The following KALRN variants were observed in gnomAD, a reference collection of about 807,000 sequenced individuals.
The protein encoded by KALRN is kalirin.
KALRN carries 70 observed loss-of-function variants against 353.7 expected under a neutral mutation model. The observed-to-expected ratio is 0.20, with a 90% CI of 0.16 to 0.24. The LOEUF (loss-of-function observed/expected upper bound fraction) is 0.24, where lower values mean the gene tolerates loss of function less well. Among genes scored for constraint, KALRN ranks in the 10% least tolerant of loss-of-function variants. The pLI, the probability that KALRN is intolerant of heterozygous loss-of-function variation, is 1.00. For missense variants in KALRN, 2,791 were observed against 3,756.7 expected (o/e 0.74, Z 6.72); for synonymous variants, 1,391 against 1,434.8 (o/e 0.97, Z 0.69).
chr3:124,307,579 G>T (rs1004440773), intron 6 of KALRN, among the ~76,000 whole-genome samples: 1 of 117,578 alleles, frequency 8.5e-6, no homozygotes, highest in Non-Finnish European at 1.9e-5. Flanking sequence ...TTCTGATAAG[G>T]TGTATATGGT....
chr3:124,138,256 A>G (rs1341968704), intron 1 of KALRN, among the ~76,000 whole-genome samples: 2 of 152,064 alleles, frequency 1.3e-5, no homozygotes, highest in African/African-American at 2.4e-5. Flanking sequence ...TCACCATTAG[A>G]CATCAATTTA....
chr3:124,546,141 A>G (rs2069615259), intron 33 of KALRN, among the ~76,000 whole-genome samples: 1 of 151,812 alleles, frequency 6.6e-6, no homozygotes, highest in Non-Finnish European at 1.5e-5. Flanking sequence ...TTTGTTGACA[A>G]CTCTGTTACT....
At chr3:124,491,010 G>A in intron 30 of KALRN, 126 bp downstream of exon 30, 11 of 812,970 alleles carry the variant, frequency 1.4e-5, no homozygotes, top group Non-Finnish European at 2.1e-5. Context: ...CTGGACAAAT[G>A]AAAATGTCTC....
At chr3:124,511,795 G>T (rs2065930876) in intron 33 of KALRN, among the ~76,000 whole-genome samples, 2 of 152,148 alleles carry the variant, frequency 1.3e-5, no homozygotes, top group South Asian at 4.1e-4. Context: ...TTATTTATCT[G>T]TCCTGAGAGG....
intron 33 of KALRN, among the ~76,000 whole-genome samples, chr3:124,508,331 T>C (rs572642480): frequency 4.6e-5 from 7 of 152,330 alleles, no homozygotes; most frequent in Middle Eastern, 3.4e-3. Flanking sequence ...GCATGCATAA[T>C]AGTGTCTTTA....
intron 10 of KALRN, among the ~76,000 whole-genome samples, chr3:124,350,912 GGATCTTGTA>G (rs2082766483): frequency 1.3e-5 from 2 of 152,292 alleles, no homozygotes; most frequent in South Asian, 4.1e-4. Flanking sequence ...CTCCAGAGCT[GGATCTTGTA>G]GTTGGGGAAT....
intron 47 of KALRN, among the ~76,000 whole-genome samples, chr3:124,671,180 C>A (rs2086388288): frequency 6.6e-6 from 1 of 152,182 alleles, no homozygotes; most frequent in Admixed American, 6.6e-5. Flanking sequence ...TTCATTCCAT[C>A]CAATTACTTT....
intron 1 of KALRN, among the ~76,000 whole-genome samples, chr3:124,225,974 A>G (rs1192008370): frequency 6.6e-6 from 1 of 152,200 alleles, no homozygotes; most frequent in Non-Finnish European, 1.5e-5. Flanking sequence ...TAACTTTTAT[A>G]TTACATTTTT....
Position 124,071,290 on chromosome 3 carries a change from T to C in KALRN, c.73+37477T>C, listed in dbSNP as rs534682438. On this transcript the variant is annotated intron_variant, in intron 1 of 59. Transcript: ENST00000682506. ...ATTCATTGACTGAGCACTTTCCAAA[T>C]GCAATCTCTATTTCTCCCAACAACT... Among the ~76,000 whole-genome samples the C allele has an allele frequency of 2.0e-5, 3 of 152,306 alleles. No individual in the cohort carries two copies. In the East Asian group the frequency reaches 5.8e-4, roughly 29 times the overall value.
At chr3:124,121,093 C>CAAA (rs35883031) in intron 1 of KALRN, among the ~76,000 whole-genome samples, 2,580 of 73,988 alleles carry the variant, frequency 0.035, 158 homozygotes, top group Non-Finnish European at 0.04. Flanking sequence ...GACTCCATCT[C>CAAA]AAAAAAAAAA....
intron 49 of KALRN, among the ~76,000 whole-genome samples, chr3:124,676,834 G>T (rs550791781): frequency 6.6e-6 from 1 of 152,282 alleles, no homozygotes; most frequent in Admixed American, 6.5e-5. Context: ...TCTATGGCTG[G>T]TTCTCACTTA....
intron 25 of KALRN, among the ~76,000 whole-genome samples, chr3:124,467,133 G>A (rs906844955): frequency 5.3e-5 from 8 of 152,296 alleles, no homozygotes; most frequent in South Asian, 2.1e-4. Context: ...TCCCTGCTCC[G>A]AAGGAGCAGG....
chr3:124,577,263 G>T (rs1294484735), intron 34 of KALRN, among the ~76,000 whole-genome samples: 1 of 151,978 alleles, frequency 6.6e-6, no homozygotes, highest in African/African-American at 2.4e-5. Context: ...CTCTCTTAAG[G>T]ATAAGTGAGA....
At chr3:124,049,075 T>G (rs2332690) in intron 1 of KALRN, among the ~76,000 whole-genome samples, 112,505 of 152,122 alleles carry the variant, frequency 0.74, 42,641 homozygotes, top group Non-Finnish European at 0.84. Context: ...GTGTAACGTT[T>G]AAGGACACTT....
At chr3:124,113,291 G>A (rs961916740) in intron 1 of KALRN, among the ~76,000 whole-genome samples, 3 of 152,134 alleles carry the variant, frequency 2.0e-5, no homozygotes, top group African/African-American at 7.2e-5. Flanking sequence ...GTGATGTTAC[G>A]CATGTTAAAG....
chr3:124,660,901 G>T (rs333290), intron 43 of KALRN, 22 bp from the exon 44 acceptor site: 1 of 1,582,462 alleles, frequency 6.3e-7, no homozygotes, highest in Non-Finnish European at 8.7e-7. Flanking sequence ...CCACACTCTT[G>T]CCTGCTTCCC....
intron 33 of KALRN, among the ~76,000 whole-genome samples, chr3:124,522,397 C>A (rs533497951): frequency 6.6e-6 from 1 of 152,072 alleles, no homozygotes; most frequent in South Asian, 2.1e-4. Context: ...CATGATTTAA[C>A]ATGTCGCTGT....
intron 1 of KALRN, chr3:124,079,982 T>C (rs762770733): frequency 4.3e-6 from 2 of 469,464 alleles, no homozygotes; most frequent in Non-Finnish European, 8.8e-6. Context: ...ATTATTCTGA[T>C]GTCATGCTTC....
rs544671288 is a variant in KALRN at position 124,229,359 on chromosome 3, G to A, written c.148+1295G>A. 9.4e-4 allele frequency among the ~76,000 whole-genome samples: 143 copies of A among 152,356 alleles called. No individual in the cohort carries two copies. In the Middle Eastern group the frequency reaches 0.017, roughly 18 times the overall value. ...TTGCAGGGCTCCACTCTAGGCCTCC[G>A]GGATCAGAATTTCTGGTAGGGTCTG... is the stretch of plus-strand genomic sequence containing the variant. On this transcript the variant is annotated intron_variant, in intron 2 of 59. Coordinates refer to ENST00000682506, the MANE Select transcript of KALRN (RefSeq NM_001388419.1).
Sources: gnomAD v4.1 joint callset for allele counts (sites outside exome capture counted in the v4.1 genomes callset) on GRCh38, gnomAD v4.1.1 for gene constraint, MANE v1.5 for transcripts, NCBI Gene and HGNC (gene_info 2026-07-23, HGNC 2026-07-21) for gene names.